The following DNAJC13 variants were observed in gnomAD, a reference collection of about 807,000 sequenced individuals.
DNAJC13 encodes the protein dnaJ homolog subfamily C member 13.
Under a neutral mutation model 290.5 loss-of-function variants are expected in DNAJC13, and 75 were observed. The ratio of observed to expected loss-of-function variants is 0.26; its 90% CI spans 0.21 to 0.31. The LOEUF is 0.31. Among genes scored for constraint, DNAJC13 ranks in the 10% least tolerant of loss-of-function variants. The pLI is 1.00. For missense variants in DNAJC13, 2,260 were observed against 2,674.5 expected, an observed-to-expected ratio of 0.85 and a Z score of 3.42; for synonymous variants, 862 against 892.0, an observed-to-expected ratio of 0.97 and a Z score of 0.60.
intron 36 of DNAJC13, among the ~76,000 whole-genome samples, chr3:132,497,834 C>G (rs1023488751): frequency 1.3e-5 from 2 of 151,018 alleles, no homozygotes; most frequent in African/African-American, 4.9e-5. Context: ...ATTCACTGTT[C>G]TTTCTTATTA....
At chr3:132,453,810 G>A in intron 8 of DNAJC13, 116 bp downstream of exon 8, 1 of 864,010 alleles carries the variant, frequency 1.2e-6, no homozygotes, top group South Asian at 1.7e-5. Flanking sequence ...GACAGAATCT[G>A]TATTTAACTC....
At chr3:132,523,768 G>A in intron 51 of DNAJC13, 55 bp downstream of exon 51, 1 of 1,533,222 alleles carries the variant, frequency 6.5e-7, no homozygotes, top group Non-Finnish European at 8.8e-7. Context: ...TAGACTGATG[G>A]TGTTTCTCTT....
At position 132,522,967 on chromosome 3, in the gene DNAJC13, T is replaced by C. The variant is rs1936136924; in HGVS notation, c.5813T>C (p.Val1938Ala). Residue 1938 changes from valine to alanine, a missense_variant, in exon 49 of 56, where the codon GTG becomes GCG. Around this residue, in one of 3 missense-constraint regions of DNAJC13, gnomAD observed 1,494 missense variants for 1,693.7 expected, o/e 0.88. Transcript: ENST00000260818. ...LIWNDNSRDK[V>A]STTVREMMLE... ...TGGAATGATAATTCCAGAGATAAAGTGTCCACAACAGTTAGGGAAATGATG... is the reference window on the plus strand; with the variant it reads ...TGGAATGATAATTCCAGAGATAAAGCGTCCACAACAGTTAGGGAAATGATG... The C allele has an allele frequency of 3.1e-6, 5 of 1,611,522 alleles. No homozygotes were observed. In the South Asian group the frequency reaches 3.3e-5, roughly 11 times the overall value.
intron 20 of DNAJC13, among the ~76,000 whole-genome samples, chr3:132,470,627 C>A (rs1934181359): frequency 7.0e-6 from 1 of 143,490 alleles, no homozygotes. Flanking sequence ...CTGACCCCCC[C>A]ACCTCCCTCC....
intron 55 of DNAJC13, among the ~76,000 whole-genome samples, chr3:132,532,912 A>AATTATTATTATT (rs78689169): frequency 0.24 from 33,920 of 141,570 alleles, 4,327 homozygotes; most frequent in South Asian, 0.3. Flanking sequence ...TAATTTTTGT[A>AATTATTATTATT]ATTATTATTA....
chr3:132,536,684 A>AT (rs1936601874), intron 55 of DNAJC13, among the ~76,000 whole-genome samples: 1 of 152,148 alleles, frequency 6.6e-6, no homozygotes, highest in Admixed American at 6.5e-5. Context: ...AGTTCAGAGA[A>AT]TATGAGGGTG....
At chr3:132,466,136 C>A in intron 18 of DNAJC13, 66 bp downstream of exon 18, 1 of 1,462,380 alleles carries the variant, frequency 6.8e-7, no homozygotes, top group Non-Finnish European at 9.6e-7. Flanking sequence ...GTTATCTGTA[C>A]TGTTAAAAGG....
intron 45 of DNAJC13, 132 bp from the exon 46 acceptor site, chr3:132,514,439 T>G: frequency 1.7e-6 from 1 of 597,312 alleles, no homozygotes; most frequent in Non-Finnish European, 2.9e-6. Flanking sequence ...CTTTTAAAAT[T>G]AAACTCTTAT....
chr3:132,488,283 T>G lies in DNAJC13; in HGVS notation c.3268-15T>G. 6.3e-7 allele frequency: 1 copy of G among 1,576,260 alleles called. No homozygotes were observed. Among genetic ancestry groups the G allele is most frequent in the Non-Finnish European group, 8.6e-7 (1 of 1,164,788 alleles). Reference sequence around the variant, plus strand: ...TTTTTTACAACCCAATAAAAACATTTTAATTTTTTTTCAGCTACTGCTGAC... The same window carrying G: ...TTTTTTACAACCCAATAAAAACATTGTAATTTTTTTTCAGCTACTGCTGAC... On this transcript the variant is annotated splice_polypyrimidine_tract_variant and intron_variant, in intron 29 of 55. Coordinates refer to ENST00000260818, the MANE Select transcript of DNAJC13 (RefSeq NM_015268.4).
chr3:132,477,964 T>G lies in DNAJC13; in HGVS notation c.2550-17T>G. ...TCATGGCTATTTCTATTGTGAACTT[T>G]TTTTTTTAAAATCTAGGTATGAATT... On this transcript the variant is annotated splice_polypyrimidine_tract_variant and intron_variant, in intron 23 of 55. Coordinates refer to ENST00000260818, the MANE Select transcript of DNAJC13 (RefSeq NM_015268.4). 1 of 1,598,586 alleles carries G rather than the reference T, an allele frequency of 6.3e-7. No homozygotes were observed. Among genetic ancestry groups the G allele is most frequent in the Non-Finnish European group, 8.5e-7 (1 of 1,175,926 alleles).
Position 132,466,359 on chromosome 3 carries a change from C to G in DNAJC13, c.2029C>G (p.Arg677Gly), listed in dbSNP as rs761634420. The G allele has an allele frequency of 1.9e-6, 3 of 1,601,974 alleles. No homozygotes were observed. The highest frequency in any genetic ancestry group is 2.7e-5 in the African/African-American group (2 of 74,176). The part of the protein sequence containing the change: ...SDLVPEKDAD[R>G]MHVRDNVKIA... ...TCTCGTACCTGAGAAGGATGCTGAT[C>G]GGATGCATGTTAGAGACAATGTGAA... Residue 677 changes from arginine to glycine, a missense_variant, in exon 19 of 56, where the codon CGG (arginine) becomes GGG (glycine). Around this residue, in one of 3 missense-constraint regions of DNAJC13, gnomAD observed 762 missense variants for 964.1 expected, o/e 0.79. Coordinates refer to ENST00000260818, the MANE Select transcript of DNAJC13 (RefSeq NM_015268.4).
intron 54 of DNAJC13, 119 bp from the exon 55 acceptor site, chr3:132,530,879 A>G: frequency 4.0e-6 from 3 of 749,612 alleles, no homozygotes; most frequent in Non-Finnish European, 6.9e-6. Flanking sequence ...TTCTTGCTCC[A>G]TATTTGGGTC....
intron 41 of DNAJC13, 130 bp from the exon 42 acceptor site, chr3:132,505,172 C>A (rs1392074885): frequency 3.5e-6 from 2 of 579,148 alleles, no homozygotes; most frequent in African/African-American, 1.9e-5. Context: ...TATTGAGATA[C>A]TTATTATTGA....
At chr3:132,457,712 C>G (rs572612532) in intron 13 of DNAJC13, 1 of 167,830 alleles carries the variant, frequency 6.0e-6, no homozygotes, top group East Asian at 1.6e-4. Flanking sequence ...AGATTCTCAC[C>G]CAGTCTTTCT....
intron 4 of DNAJC13, 22 bp from the exon 5 acceptor site, chr3:132,447,876 G>C: frequency 6.3e-7 from 1 of 1,597,588 alleles, no homozygotes; most frequent in Non-Finnish European, 8.6e-7. Flanking sequence ...GTCATAAACT[G>C]TGGTTATGTT....
chr3:132,444,900 C>T (rs951091924), intron 2 of DNAJC13, among the ~76,000 whole-genome samples: 2 of 152,038 alleles, frequency 1.3e-5, no homozygotes, highest in African/African-American at 4.8e-5. Context: ...TTTCTCACTC[C>T]ACTTTAGACA....
At chr3:132,513,515 T>C (rs1935838559) in intron 45 of DNAJC13, among the ~76,000 whole-genome samples, 1 of 152,168 alleles carries the variant, frequency 6.6e-6, no homozygotes, top group African/African-American at 2.4e-5. Flanking sequence ...AGAGGAGTGA[T>C]CCTTGTCCCT....
chr3:132,468,594 C>G (rs1042873646), intron 20 of DNAJC13, among the ~76,000 whole-genome samples: 2 of 152,190 alleles, frequency 1.3e-5, no homozygotes, highest in African/African-American at 4.8e-5. Flanking sequence ...AGTTTCATCA[C>G]TTGTTAATCC....
chr3:132,523,601 T>G lies in DNAJC13; in HGVS notation c.5948T>G (p.Val1983Gly), dbSNP rs1252603829. The G allele has an allele frequency of 6.2e-7, 1 of 1,614,028 alleles. No individual in the cohort carries two copies. Among genetic ancestry groups the G allele is most frequent in the Non-Finnish European group, 8.5e-7 (1 of 1,179,974 alleles). ...EAEGELAVGG[V>G]FLRIFIAQPA... ...GAGGGTGAACTTGCTGTTGGAGGAG[T>G]CTTCTTGAGGATCTTTATTGCACAA... Residue 1983 changes from valine (V) to glycine (G), a missense_variant, in exon 51 of 56, where the codon GTC becomes GGC. Around this residue, in one of 3 missense-constraint regions of DNAJC13, gnomAD observed 1,494 missense variants for 1,693.7 expected, o/e 0.88. Coordinates refer to ENST00000260818, the MANE Select transcript of DNAJC13 (RefSeq NM_015268.4).
Sources: gnomAD v4.1 joint callset for allele counts (sites outside exome capture counted in the v4.1 genomes callset) on GRCh38, gnomAD v4.1.1 for gene constraint, gnomAD v4.1.1 regional missense constraint, MANE v1.5 for transcripts, NCBI Gene and HGNC (gene_info 2026-07-23, HGNC 2026-07-21) for gene names.